The following ARL13B variants were observed in gnomAD, a reference collection of about 807,000 sequenced individuals.
ARL13B encodes the protein ADP-ribosylation factor-like protein 13B.
Under a neutral mutation model 56.1 loss-of-function variants are expected in ARL13B, and 36 were observed. That is an observed-to-expected ratio of 0.64 (90% confidence interval 0.49 to 0.85). The LOEUF (loss-of-function observed/expected upper bound fraction) is 0.85, where lower values mean the gene tolerates loss of function less well. Among genes scored for constraint, ARL13B ranks in the 40% least tolerant of loss-of-function variants. The pLI, the probability that ARL13B is intolerant of heterozygous loss-of-function variation, is 0.00. For synonymous variants in ARL13B, 178 were observed against 171.1 expected, an observed-to-expected ratio of 1.04 and a Z score of -0.32; for missense variants, 519 against 507.1, an observed-to-expected ratio of 1.02 and a Z score of -0.23.
Position 94,008,513 on chromosome 3 carries a change from A to G in ARL13B, c.380+4605A>G, listed in dbSNP as rs2107457644. Among the ~76,000 whole-genome samples, 2 of 152,338 alleles carry G rather than the reference A, an allele frequency of 1.3e-5. 1 individual carries two copies. The highest frequency in any genetic ancestry group is 4.1e-4 in the South Asian group (2 of 4,834). ...AGTATAGACATTTTCCATTAATAGTACAAGGCATGATTTGTTGATTACCTG... is the reference window on the plus strand; with the variant it reads ...AGTATAGACATTTTCCATTAATAGTGCAAGGCATGATTTGTTGATTACCTG... On this transcript the variant is annotated intron_variant, in intron 3 of 9. Transcript: ENST00000394222.
chr3:94,029,737 G>A (rs1409253128), intron 3 of ARL13B, among the ~76,000 whole-genome samples: 2 of 151,944 alleles, frequency 1.3e-5, no homozygotes, highest in African/African-American at 4.8e-5. Flanking sequence ...ACTTTTTATA[G>A]CACTCTTTGT....
chr3:93,995,727 TC>T (rs1221434588), intron 1 of ARL13B, 146 bp from the exon 2 acceptor site: 2 of 673,578 alleles, frequency 3.0e-6, no homozygotes, highest in Non-Finnish European at 5.1e-6. Flanking sequence ...TATATTTTAT[TC>T]ATCATTGTAC....
intron 3 of ARL13B, among the ~76,000 whole-genome samples, chr3:94,018,658 G>A (rs1304920909): frequency 6.6e-6 from 1 of 152,086 alleles, no homozygotes; most frequent in Admixed American, 6.6e-5. Context: ...GCATTTGAAT[G>A]CCTCTATCCA....
chr3:94,002,976 C>CT (rs1346663311), intron 2 of ARL13B, among the ~76,000 whole-genome samples: 2 of 152,098 alleles, frequency 1.3e-5, no homozygotes, highest in Admixed American at 1.3e-4. Flanking sequence ...CCTCAGGTAT[C>CT]TTTTAAAGCT....
At chr3:94,029,326 A>ATT (rs1559997598) in intron 3 of ARL13B, among the ~76,000 whole-genome samples, 2 of 96,094 alleles carry the variant, frequency 2.1e-5, no homozygotes, top group African/African-American at 1.2e-4. Context: ...ATATATATAT[A>ATT]TATATATATT....
chr3:93,993,789 A>AT (rs1254083687), intron 1 of ARL13B, among the ~76,000 whole-genome samples: 2 of 152,160 alleles, frequency 1.3e-5, no homozygotes, highest in Admixed American at 6.5e-5. Flanking sequence ...GTAAATTCAT[A>AT]TTTTTCATAG....
intron 9 of ARL13B, 108 bp from the exon 10 acceptor site, chr3:94,053,079 C>G: frequency 1.1e-6 from 1 of 874,658 alleles, no homozygotes; most frequent in South Asian, 1.4e-5. Context: ...GTAAGTTTAT[C>G]TCTTTGGAAA....
intron 3 of ARL13B, among the ~76,000 whole-genome samples, chr3:94,031,808 G>A (rs1386704046): frequency 3.3e-5 from 5 of 152,120 alleles, no homozygotes; most frequent in Admixed American, 6.6e-5. Flanking sequence ...TAGATGAATA[G>A]ATCAATGGAA....
At chr3:94,043,983 A>G (rs1241704998) in intron 7 of ARL13B, among the ~76,000 whole-genome samples, 2 of 151,884 alleles carry the variant, frequency 1.3e-5, no homozygotes, top group African/African-American at 4.8e-5. Context: ...GCTGGAGTGC[A>G]GTGGCGTGAT....
chr3:94,012,348 C>T (rs2076238901), intron 3 of ARL13B, among the ~76,000 whole-genome samples: 1 of 152,160 alleles, frequency 6.6e-6, no homozygotes, highest in Non-Finnish European at 1.5e-5. Context: ...TCTTTGATTT[C>T]CTTCTCATGG....
At chr3:94,042,834 T>A (rs2076885769) in intron 6 of ARL13B, among the ~76,000 whole-genome samples, 181 bp from the exon 7 acceptor site, 1 of 152,192 alleles carries the variant, frequency 6.6e-6, no homozygotes. Flanking sequence ...ACTTTCTGTT[T>A]TACTGAATGT....
chr3:94,035,442 G>GTTTTT lies in ARL13B; in HGVS notation c.486+18_486+22dup. ...ACAAGTGCCTGTGTCAGATAGTAAG[G>GTTTTT]TTTTTTTTTTTTTTTTAATTTTAAT... On this transcript the variant is annotated splice_region_variant and intron_variant, in intron 4 of 9. Transcript: ENST00000394222. 7.8e-7 allele frequency: 1 copy of GTTTTT among 1,285,230 alleles called. No homozygotes were observed. Among genetic ancestry groups the GTTTTT allele is most frequent in the Non-Finnish European group, 1.1e-6 (1 of 936,220 alleles). The allele number at this position is 1,285,230 out of a possible 1,614,324, so 79.6% of individuals were successfully genotyped here.
intron 7 of ARL13B, among the ~76,000 whole-genome samples, chr3:94,043,800 G>A (rs562756282): frequency 5.5e-5 from 8 of 145,402 alleles, no homozygotes; most frequent in Non-Finnish European, 1.2e-4. Context: ...TGGGATTCCA[G>A]GCACGCGCCG....
At chr3:94,051,042 T>A in intron 9 of ARL13B, 150 bp downstream of exon 9, 1 of 685,886 alleles carries the variant, frequency 1.5e-6, no homozygotes, top group Non-Finnish European at 2.4e-6. Flanking sequence ...TTTTTCATTT[T>A]ATTTAATTTT....
intron 3 of ARL13B, among the ~76,000 whole-genome samples, chr3:94,032,244 A>G (rs2076688795): frequency 6.6e-6 from 1 of 152,208 alleles, no homozygotes; most frequent in South Asian, 2.1e-4. Context: ...TGCAAAAGAC[A>G]TGAATAGTCA....
chr3:93,992,358 C>T (rs1211340642), intron 1 of ARL13B, among the ~76,000 whole-genome samples: 1 of 152,066 alleles, frequency 6.6e-6, no homozygotes, highest in Non-Finnish European at 1.5e-5. Context: ...TCAGTTGATG[C>T]TTGTTTGTTT....
intron 3 of ARL13B, among the ~76,000 whole-genome samples, chr3:94,034,978 G>A (rs1488638537): frequency 1.3e-5 from 2 of 152,172 alleles, no homozygotes; most frequent in East Asian, 1.9e-4. Context: ...GATGATATCT[G>A]TAATCCCAGC....
intron 2 of ARL13B, among the ~76,000 whole-genome samples, chr3:93,999,829 A>G (rs1175516289): frequency 6.6e-6 from 1 of 152,212 alleles, no homozygotes; most frequent in Non-Finnish European, 1.5e-5. Flanking sequence ...CAGTGGTTCA[A>G]CAAGATAGAT....
chr3:93,986,932 T>A (rs1710496636), intron 1 of ARL13B, among the ~76,000 whole-genome samples: 1 of 150,906 alleles, frequency 6.6e-6, no homozygotes, highest in Admixed American at 6.6e-5. Context: ...ATCTCGCCAC[T>A]GCACACTCCA....
Sources: allele counts gnomAD v4.1 joint callset (sites outside exome capture counted in the v4.1 genomes callset), GRCh38; gene constraint gnomAD v4.1.1; transcripts MANE v1.5; gene names NCBI Gene and HGNC (gene_info 2026-07-23, HGNC 2026-07-21).